Variants in HSD11B1 observed in about 807,000 individuals in gnomAD.
HSD11B1 encodes the protein hydroxysteroid 11-beta dehydrogenase 1.
In HSD11B1, 15 loss-of-function variants were observed where a neutral mutation model predicts 22.1. The observed-to-expected ratio is 0.68, with a 90% CI of 0.45 to 1.04. The LOEUF is 1.04. Ranked by LOEUF, HSD11B1 falls within the 50% of genes least tolerant of loss-of-function variation. The pLI is 0.00. For missense variants in HSD11B1, 281 were observed against 357.6 expected, an observed-to-expected ratio of 0.79 and a Z score of 1.73; for synonymous variants, 122 against 125.2, an observed-to-expected ratio of 0.97 and a Z score of 0.17.
chr1:209,709,335 C>T (rs2076880080), intron 4 of HSD11B1, among the ~76,000 whole-genome samples: 1 of 152,154 alleles, frequency 6.6e-6, no homozygotes, highest in Non-Finnish European at 1.5e-5. Context: ...AATACTGCTG[C>T]TTCTGGGAAC....
chr1:209,708,365 AG>A (rs2076873760), intron 4 of HSD11B1, among the ~76,000 whole-genome samples: 3 of 152,260 alleles, frequency 2.0e-5, no homozygotes, highest in African/African-American at 7.2e-5. Flanking sequence ...TGAAACTAAT[AG>A]CACCATCTGT....
chr1:209,730,563 AC>A (rs111561484), intron 4 of HSD11B1, among the ~76,000 whole-genome samples: 66 of 152,350 alleles, frequency 4.3e-4, no homozygotes, highest in African/African-American at 1.5e-3. Context: ...TAAAATGATT[AC>A]GTTGCTGTCC....
At chr1:209,719,409 G>C (rs547460290) in intron 4 of HSD11B1, among the ~76,000 whole-genome samples, 1 of 152,316 alleles carries the variant, frequency 6.6e-6, no homozygotes, top group African/African-American at 2.4e-5. Context: ...AAGTAGAAGG[G>C]TGGTTGCCAG....
chr1:209,734,521 G>T lies in HSD11B1; in HGVS notation c.879G>T (p.Ter293TyrextTer9). The stretch of plus-strand genomic sequence containing the variant: ...ATATGGACAGATTCATAAACAAGTA[G>T]GAACTCCCTGAGGGCTGGGCATGCT... ...SYNMDRFINK* is the reference protein window; with the variant it reads ...SYNMDRFINKY Residue 293 changes from the stop codon to tyrosine, a stop_lost, in exon 6 of 6, where the codon TAG becomes TAT. Transcript: ENST00000367027. 6.2e-7 allele frequency: 1 copy of T among 1,608,834 alleles called. No homozygotes were observed. The highest frequency in any genetic ancestry group is 8.5e-7 in the Non-Finnish European group (1 of 1,175,758).
In HSD11B1 at chr1:209,705,045, G is replaced by A. The variant is rs45526139; in HGVS notation, c.88+15G>A. The A allele has an allele frequency of 5.2e-5, 83 of 1,599,322 alleles. No individual in the cohort carries two copies. Among genetic ancestry groups the A allele is most frequent in the African/African-American group, 6.7e-5 (5 of 74,588 alleles). ...ATTCAGACCAGGTAAGTACCCATGCGTCTCATTTTGGAGGAATAGGTTTAA... is the reference window on the plus strand; with the variant it reads ...ATTCAGACCAGGTAAGTACCCATGCATCTCATTTTGGAGGAATAGGTTTAA... On this transcript the variant is annotated intron_variant, in intron 1 of 5. Transcript: ENST00000367027.
chr1:209,686,624 T>C (rs1259776559), intron 1 of HSD11B1, among the ~76,000 whole-genome samples: 1 of 150,918 alleles, frequency 6.6e-6, no homozygotes, highest in Non-Finnish European at 1.5e-5. Context: ...TGTCTGCATG[T>C]TCTTTTGGAA....
intron 1 of HSD11B1, among the ~76,000 whole-genome samples, chr1:209,687,922 AT>A (rs2076737855): frequency 1.3e-5 from 2 of 152,332 alleles, no homozygotes; most frequent in South Asian, 4.1e-4. Flanking sequence ...GAACTAGAAT[AT>A]TTTACATTCC....
At chr1:209,701,218 T>C (rs2076824722), upstream of HSD11B1, among the ~76,000 whole-genome samples, 1 of 151,992 alleles carries the variant, frequency 6.6e-6, no homozygotes, top group Non-Finnish European at 1.5e-5. Context: ...CAAAGAGAGG[T>C]TTAATTGGAC....
intron 1 of HSD11B1, among the ~76,000 whole-genome samples, chr1:209,686,503 G>A (rs968782975): frequency 6.6e-6 from 1 of 152,168 alleles, no homozygotes; most frequent in Non-Finnish European, 1.5e-5. Flanking sequence ...GGGATGATAT[G>A]ATAAGATGCA....
chr1:209,705,157 A>ATGAGG lies in HSD11B1; in HGVS notation c.88+127_88+128insTGAGG, dbSNP rs1177894866. On this transcript the variant is annotated intron_variant, in intron 1 of 5. Coordinates refer to ENST00000367027, the MANE Select transcript of HSD11B1 (RefSeq NM_005525.4). Reference sequence around the variant, plus strand: ...GTGAAAATGAGGGAACCCTGAGTTAAGATGGTATTTTTGTGTCCTCCAGCT... The same window carrying ATGAGG: ...GTGAAAATGAGGGAACCCTGAGTTAATGAGGGATGGTATTTTTGTGTCCTCCAGCT... 8.8e-6 allele frequency: 7 copies of ATGAGG among 794,098 alleles called. No homozygotes were observed. In the African/African-American group the frequency reaches 1.0e-4, roughly 12 times the overall value. The allele number at this position is 794,098 out of a possible 1,614,324, so 49.2% of individuals were successfully genotyped here.
At chr1:209,693,749 C>A (rs1297622230) in intron 1 of HSD11B1, among the ~76,000 whole-genome samples, 3 of 152,176 alleles carry the variant, frequency 2.0e-5, no homozygotes, top group African/African-American at 7.2e-5. Flanking sequence ...CATTTCTATC[C>A]CCCAAATCAA....
intron 4 of HSD11B1, among the ~76,000 whole-genome samples, chr1:209,721,074 G>A (rs937742626): frequency 2.6e-5 from 4 of 152,136 alleles, no homozygotes; most frequent in Admixed American, 6.5e-5. Context: ...AAGGAATGCC[G>A]GCAGCCACTA....
chr1:209,694,730 G>C (rs2076780560), intron 1 of HSD11B1, among the ~76,000 whole-genome samples: 1 of 152,204 alleles, frequency 6.6e-6, no homozygotes, highest in South Asian at 2.1e-4. Context: ...TCTTAAGTTG[G>C]ATGGTGAGCC....
At chr1:209,697,884 C>CTTTTTTTTTTTTTCT (rs2076800777) in intron 1 of HSD11B1, among the ~76,000 whole-genome samples, 1 of 41,586 alleles carries the variant, frequency 2.4e-5, no homozygotes, top group African/African-American at 8.0e-5. Context: ...TTGTTTTTTC[C>CTTTTTTTTTTTTTCT]TTTTTTTTTT....
intron 1 of HSD11B1, among the ~76,000 whole-genome samples, chr1:209,698,178 GATA>G (rs1278197502): frequency 3.1e-5 from 4 of 129,212 alleles, no homozygotes; most frequent in Non-Finnish European, 7.2e-5. Context: ...TAGATAGATA[GATA>G]GATAGATAGA....
intron 4 of HSD11B1, among the ~76,000 whole-genome samples, chr1:209,727,651 A>C (rs1237201530): frequency 6.6e-6 from 1 of 152,192 alleles, no homozygotes; most frequent in Non-Finnish European, 1.5e-5. Context: ...CTAGAGTCAA[A>C]TTTGAATCCT....
intron 4 of HSD11B1, among the ~76,000 whole-genome samples, chr1:209,719,206 T>G (rs1247690698): frequency 6.6e-6 from 1 of 152,072 alleles, no homozygotes; most frequent in Non-Finnish European, 1.5e-5. Context: ...CAATGGAATA[T>G]TATTCAATCT....
In HSD11B1 at chr1:209,692,853, C is replaced by G. The variant is rs115591571; in HGVS notation, c.-49+6568C>G. ...CTGCCCTTAGTTCCCCCAGATGATT[C>G]ATGGAGGTTTGGGAATCACTGGACT... On this transcript the variant is annotated intron_variant, in intron 1 of 6. Coordinates refer to the HSD11B1 transcript ENST00000261465. 2.1e-3 allele frequency among the ~76,000 whole-genome samples: 321 copies of G among 152,200 alleles called. 1 individual carries two copies. Among genetic ancestry groups the G allele is most frequent in the Middle Eastern group, 0.01 (3 of 294 alleles).
rs1037390057 is a variant in HSD11B1 at position 209,690,118 on chromosome 1, C to T, written c.-49+3833C>T. Among the ~76,000 whole-genome samples, 10 of 152,224 alleles carry T rather than the reference C, an allele frequency of 6.6e-5. No homozygotes were observed. The East Asian group carries it at 1.2e-3, about 18-fold the overall frequency. Reference sequence around the variant, plus strand: ...ATCACCTGAACCCAGGAGTTCAAGACCAGCCAGGGCAACATAGAGAGACCC... The same window carrying T: ...ATCACCTGAACCCAGGAGTTCAAGATCAGCCAGGGCAACATAGAGAGACCC... On this transcript the variant is annotated intron_variant, in intron 1 of 6. Transcript: ENST00000261465.
Sources: gnomAD v4.1 joint callset for allele counts (sites outside exome capture counted in the v4.1 genomes callset) on GRCh38, gnomAD v4.1.1 for gene constraint, MANE v1.5 for transcripts, NCBI Gene and HGNC (gene_info 2026-07-23, HGNC 2026-07-21) for gene names.